The following GALNT1 variants were observed in gnomAD, a reference collection of about 807,000 sequenced individuals.
GALNT1 encodes GalNAc transferase 1.
A neutral mutation model predicts 65.7 loss-of-function variants in GALNT1; 17 were observed. The ratio of observed to expected loss-of-function variants is 0.26; its 90% confidence interval spans 0.18 to 0.39. The LOEUF is 0.39. Among genes scored for constraint, GALNT1 ranks in the 10% least tolerant of loss-of-function variants. The probability of loss-of-function intolerance (pLI) is 1.00; values close to 1 mark genes in which losing one functional copy is unlikely to be tolerated. For synonymous variants in GALNT1, 210 were observed against 219.7 expected (o/e 0.96, Z 0.39); for missense variants, 460 against 672.8 (o/e 0.68, Z 3.50).
chr18:35,708,178 AT>A (rs1218910276), intron 11 of GALNT1, among the ~76,000 whole-genome samples: 1 of 152,104 alleles, frequency 6.6e-6, no homozygotes, highest in Admixed American at 6.5e-5. Flanking sequence ...AAATCTGGAA[AT>A]CACCCCAGGA....
intron 4 of GALNT1, among the ~76,000 whole-genome samples, chr18:35,682,955 A>T (rs532966655): frequency 1.3e-5 from 2 of 151,514 alleles, no homozygotes; most frequent in Non-Finnish European, 2.9e-5. Context: ...ATGGTAATCA[A>T]CAAGACAATT....
At chr18:35,676,819 T>G (rs2047717803) in intron 3 of GALNT1, among the ~76,000 whole-genome samples, 1 of 152,222 alleles carries the variant, frequency 6.6e-6, no homozygotes, top group East Asian at 1.9e-4. Context: ...AGTAATTTCA[T>G]CTAGCTAACA....
chr18:35,674,768 G>C (rs1329805448), intron 3 of GALNT1, among the ~76,000 whole-genome samples: 1 of 152,088 alleles, frequency 6.6e-6, no homozygotes, highest in African/African-American at 2.4e-5. Context: ...CAGATCACGA[G>C]GTCAGAAGAT....
intron 1 of GALNT1, among the ~76,000 whole-genome samples, chr18:35,635,956 A>G (rs557927204): frequency 6.6e-6 from 1 of 152,206 alleles, no homozygotes; most frequent in East Asian, 1.9e-4. Context: ...TTTTTACAGA[A>G]TTTGCAGAAT....
At chr18:35,700,498 A>G (rs1315531558) in intron 9 of GALNT1, among the ~76,000 whole-genome samples, 2 of 152,220 alleles carry the variant, frequency 1.3e-5, no homozygotes, top group African/African-American at 4.8e-5. Context: ...TCACTCTAAC[A>G]GCTAATGGGA....
intron 11 of GALNT1, among the ~76,000 whole-genome samples, chr18:35,704,110 G>T (rs180679048): frequency 2.0e-5 from 3 of 152,190 alleles, no homozygotes; most frequent in African/African-American, 7.2e-5. Context: ...ACCATCAAAT[G>T]GGCTCACATG....
intron 2 of GALNT1, among the ~76,000 whole-genome samples, chr18:35,661,211 A>G (rs1202188632): frequency 6.6e-6 from 1 of 152,108 alleles, no homozygotes; most frequent in African/African-American, 2.4e-5. Flanking sequence ...GAGAATAGAA[A>G]ATCATGGCTG....
At chr18:35,616,969 A>G (rs1265092104) in intron 1 of GALNT1, among the ~76,000 whole-genome samples, 2 of 152,158 alleles carry the variant, frequency 1.3e-5, no homozygotes, top group Non-Finnish European at 2.9e-5. Flanking sequence ...CTGTAACCAT[A>G]GATCCTGACT....
intron 10 of GALNT1, 89 bp from the exon 11 acceptor site, chr18:35,703,420 T>TA (rs1441821916): frequency 8.3e-7 from 1 of 1,208,196 alleles, no homozygotes. Context: ...TACCTTGAAA[T>TA]ACTTGTATTT....
chr18:35,613,375 C>A (rs1280280475), intron 1 of GALNT1, among the ~76,000 whole-genome samples: 1 of 152,078 alleles, frequency 6.6e-6, no homozygotes, highest in African/African-American at 2.4e-5. Flanking sequence ...AAAAAGGTCC[C>A]ACATTATGAA....
At chr18:35,647,680 G>A (rs1450656991) in intron 1 of GALNT1, among the ~76,000 whole-genome samples, 1 of 152,120 alleles carries the variant, frequency 6.6e-6, no homozygotes, top group East Asian at 1.9e-4. Context: ...GGCTGTGGGT[G>A]GCTGGGAGAC....
chr18:35,683,071 G>C (rs2047810499), intron 4 of GALNT1, among the ~76,000 whole-genome samples: 1 of 151,922 alleles, frequency 6.6e-6, no homozygotes, highest in Non-Finnish European at 1.5e-5. Flanking sequence ...TCTTTGTATT[G>C]CTGATCCTTA....
intron 4 of GALNT1, among the ~76,000 whole-genome samples, chr18:35,679,790 T>G (rs1240844956): frequency 6.6e-6 from 1 of 152,218 alleles, no homozygotes; most frequent in African/African-American, 2.4e-5. Flanking sequence ...CTCCATTGTT[T>G]AAGTCGTAAT....
Position 35,677,768 on chromosome 18 carries a change from A to C in GALNT1, c.481+11A>C. Reference sequence around the variant, plus strand: ...ATGCCAGTGAAAGAGGTAAATTTTAAATTTTAATGCCAATAATTTGCTACA... The same window carrying C: ...ATGCCAGTGAAAGAGGTAAATTTTACATTTTAATGCCAATAATTTGCTACA... On this transcript the variant is annotated intron_variant, in intron 4 of 11. Transcript: ENST00000269195. 1 of 1,584,556 alleles carries C rather than the reference A, an allele frequency of 6.3e-7. No individual in the cohort carries two copies. Among genetic ancestry groups the C allele is most frequent in the Non-Finnish European group, 8.6e-7 (1 of 1,161,200 alleles).
At chr18:35,651,693 A>C (rs2047313092) in intron 1 of GALNT1, among the ~76,000 whole-genome samples, 1 of 152,234 alleles carries the variant, frequency 6.6e-6, no homozygotes, top group Non-Finnish European at 1.5e-5. Context: ...AAGGACACAC[A>C]AAAGTTGCTT....
At chr18:35,654,185 G>A (rs962928638) in intron 1 of GALNT1, among the ~76,000 whole-genome samples, 2 of 152,174 alleles carry the variant, frequency 1.3e-5, no homozygotes, top group Admixed American at 6.5e-5. Context: ...TGTTTGATGG[G>A]TGTGAAATAG....
intron 1 of GALNT1, among the ~76,000 whole-genome samples, chr18:35,631,586 C>G (rs921763883): frequency 6.6e-6 from 1 of 152,084 alleles, no homozygotes; most frequent in Non-Finnish European, 1.5e-5. Flanking sequence ...TATGACAAAC[C>G]CACAGCCAAT....
At chr18:35,589,661 C>A (rs754861425) in intron 1 of GALNT1, among the ~76,000 whole-genome samples, 18 of 152,140 alleles carry the variant, frequency 1.2e-4, no homozygotes, top group Non-Finnish European at 2.1e-4. Flanking sequence ...TAAGAATCTT[C>A]TCATGTTTGT....
intron 1 of GALNT1, among the ~76,000 whole-genome samples, chr18:35,652,877 T>C (rs773432027): frequency 2.0e-5 from 3 of 152,220 alleles, no homozygotes; most frequent in Non-Finnish European, 2.9e-5. Context: ...TGCAGGCATT[T>C]TTTTCAAATA....
Sources: allele counts gnomAD v4.1 joint callset (sites outside exome capture counted in the v4.1 genomes callset), GRCh38; gene constraint gnomAD v4.1.1; transcripts MANE v1.5; gene names NCBI Gene and HGNC (gene_info 2026-07-23, HGNC 2026-07-21).